PTPRD: variants seen among roughly 807,000 people sequenced by gnomAD.
The protein encoded by PTPRD is receptor-type tyrosine-protein phosphatase delta.
PTPRD carries 34 observed loss-of-function variants against 214.5 expected under a neutral mutation model. That is an observed-to-expected ratio of 0.16 (90% CI 0.12 to 0.21). The LOEUF is 0.21. Among genes scored for constraint, PTPRD ranks in the 10% least tolerant of loss-of-function variants. PTPRD has a pLI of 1.00. For synonymous variants in PTPRD, 1,128 were observed against 845.7 expected (o/e 1.33, Z -5.79); for missense variants, 2,545 against 2,398.7 (o/e 1.06, Z -1.27).
At chr9:8,608,132 T>A (rs370199099) in intron 14 of PTPRD, among the ~76,000 whole-genome samples, 23 of 151,700 alleles carry the variant, frequency 1.5e-4, no homozygotes, top group African/African-American at 2.2e-4. Flanking sequence ...TTTTTTTTTT[T>A]AATCTAGACT....
intron 35 of PTPRD, among the ~76,000 whole-genome samples, chr9:8,416,020 C>G (rs1035632683): frequency 6.6e-6 from 1 of 152,088 alleles, no homozygotes; most frequent in African/African-American, 2.4e-5. Flanking sequence ...TTGATTCATC[C>G]ATTTCCTGGT....
intron 36 of PTPRD, among the ~76,000 whole-genome samples, chr9:8,391,159 G>T (rs72691046): frequency 0.039 from 5,875 of 151,806 alleles, 120 homozygotes; most frequent in South Asian, 0.078. Flanking sequence ...TCTTTATAAT[G>T]AAACATATGT....
At chr9:10,318,819 A>C (rs80114487) in intron 3 of PTPRD, among the ~76,000 whole-genome samples, 7,993 of 152,090 alleles carry the variant, frequency 0.053, 712 homozygotes, top group African/African-American at 0.18. Context: ...AAATCAGATT[A>C]AATTTGGTAG....
At chr9:9,294,941 G>T (rs976481083) in intron 9 of PTPRD, among the ~76,000 whole-genome samples, 4 of 151,664 alleles carry the variant, frequency 2.6e-5, no homozygotes, top group African/African-American at 9.7e-5. Flanking sequence ...AGTTTTAAGT[G>T]AAATATTAGG....
intron 5 of PTPRD, among the ~76,000 whole-genome samples, chr9:9,883,376 G>C (rs950633584): frequency 1.4e-4 from 21 of 152,000 alleles, no homozygotes; most frequent in African/African-American, 4.3e-4. Context: ...GTAGGGAAAA[G>C]AAAAACAAAA....
At chr9:8,423,202 A>C (rs1032395240) in intron 35 of PTPRD, among the ~76,000 whole-genome samples, 1 of 152,204 alleles carries the variant, frequency 6.6e-6, no homozygotes, top group African/African-American at 2.4e-5. Context: ...AATCACCTAA[A>C]TTATGTTTGA....
chr9:9,971,826 A>G (rs570591244), intron 4 of PTPRD, among the ~76,000 whole-genome samples: 3 of 152,174 alleles, frequency 2.0e-5, no homozygotes, highest in Admixed American at 6.5e-5. Context: ...TTTAAACTGT[A>G]TAACTACTTA....
chr9:10,229,969 G>A (rs537169067), intron 3 of PTPRD, among the ~76,000 whole-genome samples: 3 of 151,882 alleles, frequency 2.0e-5, no homozygotes, highest in South Asian at 2.1e-4. Flanking sequence ...TAATACACTC[G>A]TATATATTTT....
rs573225231 is a variant in PTPRD at position 9,784,782 on chromosome 9, G to GAT, written c.-367-17933_-367-17932dup. 5.3e-3 allele frequency among the ~76,000 whole-genome samples: 800 copies of GAT among 150,410 alleles called. 8 individuals are homozygous for GAT. Among genetic ancestry groups the GAT allele is most frequent in the Non-Finnish European group, 6.1e-3 (410 of 67,542 alleles). On this transcript the variant is annotated intron_variant, in intron 5 of 45. Coordinates refer to ENST00000381196, the MANE Select transcript of PTPRD (RefSeq NM_002839.4). Reference sequence around the variant, plus strand: ...AATTTTATGTGTGTGTGTATATATAGATATATATATGTTTATATCTATATC... The same window carrying GAT: ...AATTTTATGTGTGTGTGTATATATAGATATATATATATGTTTATATCTATATC...
intron 4 of PTPRD, among the ~76,000 whole-genome samples, chr9:9,989,908 C>A (rs943900432): frequency 6.6e-6 from 1 of 152,212 alleles, no homozygotes; most frequent in Admixed American, 6.5e-5. Flanking sequence ...ACCTCCACCA[C>A]GCAAAGGGTT....
chr9:10,315,586 C>A (rs145778871), intron 3 of PTPRD, among the ~76,000 whole-genome samples: 5 of 152,030 alleles, frequency 3.3e-5, no homozygotes, highest in African/African-American at 1.2e-4. Flanking sequence ...TATTTCTATG[C>A]ATGTTTTAGA....
chr9:10,433,874 T>TTTTA (rs2098699604), intron 2 of PTPRD, among the ~76,000 whole-genome samples: 1 of 151,850 alleles, frequency 6.6e-6, no homozygotes, highest in Non-Finnish European at 1.5e-5. Flanking sequence ...TCTTTTAGTC[T>TTTTA]CACAATTGAT....
At chr9:8,930,923 C>T (rs1488693175) in intron 11 of PTPRD, among the ~76,000 whole-genome samples, 2 of 152,150 alleles carry the variant, frequency 1.3e-5, no homozygotes, top group African/African-American at 4.8e-5. Context: ...CCTGTCCACT[C>T]TGATGGTAGT....
chr9:8,572,653 C>G (rs562944879), intron 14 of PTPRD, among the ~76,000 whole-genome samples: 1 of 152,076 alleles, frequency 6.6e-6, no homozygotes, highest in East Asian at 1.9e-4. Context: ...TAGAGAGGTA[C>G]TTGAGTCAAC....
At chr9:10,486,194 C>A in intron 2 of PTPRD, among the ~76,000 whole-genome samples, 1 of 152,098 alleles carries the variant, frequency 6.6e-6, no homozygotes, top group East Asian at 1.9e-4. Flanking sequence ...TAATTAGATC[C>A]CATTTGTCAA....
chr9:8,784,002 T>C (rs1414505896), intron 11 of PTPRD, among the ~76,000 whole-genome samples: 2 of 152,192 alleles, frequency 1.3e-5, no homozygotes, highest in East Asian at 3.9e-4. Flanking sequence ...CTAATGATAA[T>C]TCGTCATATA....
At chr9:10,510,456 G>C (rs970720358) in intron 2 of PTPRD, among the ~76,000 whole-genome samples, 1 of 152,060 alleles carries the variant, frequency 6.6e-6, no homozygotes, top group Non-Finnish European at 1.5e-5. Context: ...CCAATGATGT[G>C]TTTTCTTACC....
At position 8,986,196 on chromosome 9, in the gene PTPRD, G is replaced by T. The variant is rs200261626; in HGVS notation, c.-104+32501C>A. On this transcript the variant is annotated intron_variant, in intron 11 of 45. Coordinates refer to ENST00000381196, the MANE Select transcript of PTPRD (RefSeq NM_002839.4). ...AGAACAGTTTTTGATTTTGCTACAG[G>T]TATCTGTTTCTCAACTGTCTATGAA... Among the ~76,000 whole-genome samples, 293 of 152,050 alleles carry T rather than the reference G, an allele frequency of 1.9e-3. 1 individual carries two copies. The highest frequency in any genetic ancestry group is 6.8e-3 in the African/African-American group (283 of 41,526).
chr9:8,857,807 C>A, intron 11 of PTPRD: 1 of 156,256 alleles, frequency 6.4e-6, no homozygotes, highest in South Asian at 1.8e-4. Context: ...TCGCCGCCGC[C>A]GCCCAGCCCT....
Sources: gnomAD v4.1 joint callset for allele counts (sites outside exome capture counted in the v4.1 genomes callset) on GRCh38, gnomAD v4.1.1 for gene constraint, MANE v1.5 for transcripts, NCBI Gene and HGNC (gene_info 2026-07-23, HGNC 2026-07-21) for gene names.